The following KAT6B variants were observed in gnomAD, a reference collection of about 807,000 sequenced individuals.
KAT6B encodes lysine acetyltransferase 6B, also known as histone acetyltransferase KAT6B.
A neutral mutation model predicts 187.5 loss-of-function variants in KAT6B; 10 were observed. The observed-to-expected ratio is 0.05, with a 90% confidence interval of 0.03 to 0.09. The LOEUF is 0.09. Ranked by LOEUF, KAT6B falls within the 10% of genes least tolerant of loss-of-function variation. The probability of loss-of-function intolerance (pLI) is 1.00; values close to 1 mark genes in which losing one functional copy is unlikely to be tolerated. For synonymous variants in KAT6B, 861 were observed against 926.8 expected (o/e 0.93, Z 1.29); for missense variants, 1,952 against 2,558.9 (o/e 0.76, Z 5.12).
intron 13 of KAT6B, among the ~76,000 whole-genome samples, chr10:75,016,946 C>T (rs1018282815): frequency 1.3e-5 from 2 of 148,322 alleles, no homozygotes; most frequent in Non-Finnish European, 1.5e-5. Context: ...TCACTGCAAC[C>T]TCTGCCTCCC....
intron 11 of KAT6B, chr10:74,983,812 C>G (rs188398765): frequency 6.6e-6 from 1 of 152,206 alleles, no homozygotes; most frequent in African/African-American, 2.4e-5. Context: ...TGATAAGTAC[C>G]GAGGTCCCTA....
intron 3 of KAT6B, among the ~76,000 whole-genome samples, chr10:74,863,325 C>T (rs1445037427): frequency 1.3e-5 from 2 of 152,030 alleles, no homozygotes; most frequent in African/African-American, 4.8e-5. Context: ...CTTGATTATT[C>T]TTTGAAGCTG....
chr10:74,850,469 T>C (rs1167742016), intron 3 of KAT6B, among the ~76,000 whole-genome samples: 1 of 152,210 alleles, frequency 6.6e-6, no homozygotes, highest in Non-Finnish European at 1.5e-5. Flanking sequence ...GAAGGGCTCC[T>C]TCCTTTCTGA....
At chr10:74,829,621 T>C (rs1382220729) in intron 1 of KAT6B, among the ~76,000 whole-genome samples, 1 of 151,870 alleles carries the variant, frequency 6.6e-6, no homozygotes, top group Non-Finnish European at 1.5e-5. Context: ...ATTTTTGTAT[T>C]TTTAGTAGAG....
intron 2 of KAT6B, among the ~76,000 whole-genome samples, chr10:74,840,360 T>C (rs1841654004): frequency 6.6e-6 from 1 of 152,218 alleles, no homozygotes. Flanking sequence ...CATGGGGTTT[T>C]GTCGTTAGTG....
chr10:74,938,896 C>T (rs1849455143), intron 3 of KAT6B, among the ~76,000 whole-genome samples: 1 of 152,064 alleles, frequency 6.6e-6, no homozygotes, highest in Non-Finnish European at 1.5e-5. Context: ...GCCTCTATAC[C>T]TGGCTAATTT....
intron 13 of KAT6B, among the ~76,000 whole-genome samples, chr10:74,998,303 A>G (rs1279092490): frequency 6.6e-6 from 1 of 152,138 alleles, no homozygotes; most frequent in Non-Finnish European, 1.5e-5. Context: ...GCATATTTTA[A>G]TCAACAAACA....
chr10:74,883,925 T>C (rs1845048478), intron 3 of KAT6B, among the ~76,000 whole-genome samples: 1 of 152,246 alleles, frequency 6.6e-6, no homozygotes, highest in South Asian at 2.1e-4. Context: ...ACTTATGTGC[T>C]GTTGAATGAG....
At chr10:74,841,502 T>A (rs1175035055) in intron 2 of KAT6B, among the ~76,000 whole-genome samples, 1 of 151,862 alleles carries the variant, frequency 6.6e-6, no homozygotes, top group African/African-American at 2.4e-5. Context: ...AAGGCAGAGA[T>A]TACAGTGAGC....
chr10:74,987,484 C>T (rs1842881852), intron 12 of KAT6B, among the ~76,000 whole-genome samples: 1 of 152,106 alleles, frequency 6.6e-6, no homozygotes, highest in African/African-American at 2.4e-5. Flanking sequence ...CAGCTGGAAT[C>T]TAGAGGACTC....
At chr10:74,910,875 G>A (rs1309672084) in intron 3 of KAT6B, among the ~76,000 whole-genome samples, 1 of 151,912 alleles carries the variant, frequency 6.6e-6, no homozygotes, top group Non-Finnish European at 1.5e-5. Flanking sequence ...CCCGATCTTG[G>A]GCTTGAGGTA....
chr10:74,938,428 T>A (rs566757781), intron 3 of KAT6B, among the ~76,000 whole-genome samples: 2 of 151,718 alleles, frequency 1.3e-5, no homozygotes, highest in South Asian at 4.2e-4. Context: ...AACCAGGCCC[T>A]CAAAGTAGAT....
In KAT6B at chr10:75,021,887, C is replaced by T. The variant is rs142309185; in HGVS notation, c.3028C>T (p.Arg1010Trp). 84 of 1,614,114 alleles carry T rather than the reference C, an allele frequency of 5.2e-5. No individual in the cohort carries two copies. The highest frequency in any genetic ancestry group is 3.6e-4 in the African/African-American group (27 of 75,028). The change falls in exon 16 of 18, where the codon CGG (arginine) becomes TGG (tryptophan). Residue 1010 changes from arginine to tryptophan, a missense_variant. By Grantham distance (101) the Arg-to-Trp change is moderately radical. Transcript: ENST00000287239. ...TTTTACCCTCCCCACTTAGGCTGAG[C>T]GGCTAATGGAACAAGCTAGCTGCTG... is the stretch of plus-strand genomic sequence containing the variant. Reference protein sequence around the residue: ...EEREAEKEAERLMEQASCWEK... With the variant: ...EEREAEKEAEWLMEQASCWEK...
chr10:75,021,355 A>G, intron 15 of KAT6B, 70 bp downstream of exon 15: 1 of 1,525,188 alleles, frequency 6.6e-7, no homozygotes, highest in South Asian at 1.1e-5. Flanking sequence ...TAAGAAAGTC[A>G]TTAAGATCGT....
chr10:74,851,059 TAAAC>T (rs1309846299), intron 3 of KAT6B, among the ~76,000 whole-genome samples: 1 of 151,868 alleles, frequency 6.6e-6, no homozygotes, highest in African/African-American at 2.4e-5. Context: ...CCTTCAAACA[TAAAC>T]AAAATTACAA....
chr10:74,979,154 C>A, intron 9 of KAT6B, 70 bp from the exon 10 acceptor site: 1 of 1,024,582 alleles, frequency 9.8e-7, no homozygotes, highest in South Asian at 1.4e-5. Context: ...TTTTGATAGT[C>A]ACTGGTGAAA....
chr10:74,839,995 T>C (rs1407204839), intron 2 of KAT6B, among the ~76,000 whole-genome samples: 1 of 152,218 alleles, frequency 6.6e-6, no homozygotes, highest in African/African-American at 2.4e-5. Flanking sequence ...GGTTGGAAGA[T>C]AGGCTTAAAT....
chr10:74,912,844 G>A (rs1193251891), intron 3 of KAT6B, among the ~76,000 whole-genome samples: 3 of 152,216 alleles, frequency 2.0e-5, no homozygotes, highest in Non-Finnish European at 4.4e-5. Flanking sequence ...CCGTGTCCCT[G>A]TGAATGTGTC....
intron 3 of KAT6B, among the ~76,000 whole-genome samples, chr10:74,858,565 G>A (rs1163059131): frequency 6.6e-6 from 1 of 150,810 alleles, no homozygotes; most frequent in Non-Finnish European, 1.5e-5. Flanking sequence ...AGTGAGAGCC[G>A]CTATGCCTGG....
Sources: allele counts gnomAD v4.1 joint callset (sites outside exome capture counted in the v4.1 genomes callset), GRCh38; gene constraint gnomAD v4.1.1; transcripts MANE v1.5; gene names NCBI Gene and HGNC (gene_info 2026-07-23, HGNC 2026-07-21).